Variants in GRK4 observed in about 807,000 individuals in gnomAD.
GRK4 encodes G protein-coupled receptor kinase 2-like.
GRK4 carries 73 observed loss-of-function variants against 77.9 expected under a neutral mutation model. The observed-to-expected ratio is 0.94, with a 90% confidence interval of 0.78 to 1.14. The LOEUF (loss-of-function observed/expected upper bound fraction) is 1.14, where lower values mean the gene tolerates loss of function less well. GRK4 is among the 50% of genes most tolerant of loss of function. GRK4 has a pLI of 0.00. For missense variants in GRK4, 729 were observed against 700.2 expected, an observed-to-expected ratio of 1.04 and a Z score of -0.46; for synonymous variants, 257 against 254.4, an observed-to-expected ratio of 1.01 and a Z score of -0.10.
chr4:2,983,199 A>G (rs1287613179), intron 1 of GRK4, among the ~76,000 whole-genome samples: 1 of 152,212 alleles, frequency 6.6e-6, no homozygotes, highest in African/African-American at 2.4e-5. Flanking sequence ...CAGTCTACCC[A>G]TCTTCCAAAT....
intron 6 of GRK4, 85 bp downstream of exon 6, chr4:3,007,913 G>A: frequency 1.1e-6 from 1 of 910,542 alleles, no homozygotes; most frequent in Non-Finnish European, 1.7e-6. Context: ...TGAGGCTGAA[G>A]GATTGCTTAA....
chr4:2,977,583 G>A (rs1244402918), intron 1 of GRK4, among the ~76,000 whole-genome samples: 3 of 152,196 alleles, frequency 2.0e-5, no homozygotes, highest in Admixed American at 6.5e-5. Context: ...TAAAAGCCAC[G>A]TTGAGGGCGG....
chr4:2,966,933 G>C (rs1284814579), intron 1 of GRK4: 6 of 152,146 alleles, frequency 3.9e-5, no homozygotes, highest in Admixed American at 3.9e-4. Flanking sequence ...GAATATTTGT[G>C]TTCCCCCAAA....
chr4:2,976,946 C>T (rs1250054530), intron 1 of GRK4, among the ~76,000 whole-genome samples: 2 of 152,150 alleles, frequency 1.3e-5, no homozygotes, highest in African/African-American at 4.8e-5. Flanking sequence ...GCCGAATTTT[C>T]TTTCTTTCAA....
chr4:2,998,510 A>G (rs1047615689), intron 4 of GRK4, among the ~76,000 whole-genome samples: 4 of 152,206 alleles, frequency 2.6e-5, no homozygotes, highest in African/African-American at 9.6e-5. Context: ...GAGTCTGGTA[A>G]GGCTGCAAGA....
In GRK4 at chr4:3,040,694, C is replaced by T. The variant is rs1475566411; in HGVS notation, c.*69C>T. 1 of 1,308,202 alleles carries T rather than the reference C, an allele frequency of 7.6e-7. No individual in the cohort carries two copies. The highest frequency in any genetic ancestry group is 1.2e-5 in the South Asian group (1 of 80,460). The allele number at this position is 1,308,202 out of a possible 1,614,324, so 81.0% of individuals were successfully genotyped here. A position where few individuals can be genotyped will look rare whatever the true frequency, so the allele number is the denominator to read the frequency against. On this transcript the variant is annotated 3_prime_UTR_variant, in exon 16 of 16. Coordinates refer to ENST00000398052, the MANE Select transcript of GRK4 (RefSeq NM_182982.3). Reference sequence around the variant, plus strand: ...GAGCATGTGTTAGCGTCTCGTCCCACCTGGAATTGTAATAAATACATCTAA... The same window carrying T: ...GAGCATGTGTTAGCGTCTCGTCCCATCTGGAATTGTAATAAATACATCTAA...
Position 3,013,898 on chromosome 4 carries a change from C to G in GRK4, c.741+70C>G. On this transcript the variant is annotated intron_variant, in intron 8 of 15. Coordinates refer to ENST00000398052, the MANE Select transcript of GRK4 (RefSeq NM_182982.3). Reference sequence around the variant, plus strand: ...AGCACTTTTGTCAGCCGACATGCCGCTCAGCTCACGCTCACTGAAGCCGTG... The same window carrying G: ...AGCACTTTTGTCAGCCGACATGCCGGTCAGCTCACGCTCACTGAAGCCGTG... 2.0e-6 allele frequency: 3 copies of G among 1,485,036 alleles called. No homozygotes were observed. In the South Asian group the frequency reaches 4.2e-5, roughly 21 times the overall value. 92.0% of individuals were successfully genotyped at this position (1,485,036 alleles called of 1,614,324 possible).
chr4:2,984,212 A>C (rs553820109), intron 1 of GRK4, among the ~76,000 whole-genome samples: 24 of 152,298 alleles, frequency 1.6e-4, no homozygotes, highest in African/African-American at 5.1e-4. Context: ...TATTTCTTTG[A>C]TAAATACTTA....
intron 6 of GRK4, 124 bp from the exon 7 acceptor site, chr4:3,009,524 C>T: frequency 1.5e-6 from 1 of 657,776 alleles, no homozygotes; most frequent in Non-Finnish European, 2.7e-6. Context: ...CACCCTTTGT[C>T]CCGGGCATCC....
intron 12 of GRK4, among the ~76,000 whole-genome samples, chr4:3,032,091 G>A (rs1739334695): frequency 6.6e-6 from 1 of 152,164 alleles, no homozygotes; most frequent in Non-Finnish European, 1.5e-5. Flanking sequence ...ACACTGACAG[G>A]GCTGCAAGAA....
chr4:3,028,431 A>C (rs1388072181), intron 11 of GRK4, among the ~76,000 whole-genome samples: 1 of 152,018 alleles, frequency 6.6e-6, no homozygotes, highest in Non-Finnish European at 1.5e-5. Flanking sequence ...CTGCAGGAAG[A>C]CCCCAAGGTC....
At chr4:2,997,098 C>T (rs1188686126) in intron 4 of GRK4, among the ~76,000 whole-genome samples, 1 of 152,064 alleles carries the variant, frequency 6.6e-6, no homozygotes, top group African/African-American at 2.4e-5. Context: ...AAAGCAAGAC[C>T]GTGTGTTCAT....
rs749541993 is a variant in GRK4, at chr4:3,029,410, G to A, written c.1269+1G>A. Reference sequence around the variant, plus strand: ...GGATGCCAAATCTATCTGCAGGATGGTAAGTCAGGCTCTGTAGAGGCTGGG... The same window carrying A: ...GGATGCCAAATCTATCTGCAGGATGATAAGTCAGGCTCTGTAGAGGCTGGG... On this transcript the variant is annotated splice_donor_variant, in intron 12 of 15. Coordinates refer to ENST00000398052, the MANE Select transcript of GRK4 (RefSeq NM_182982.3). LOFTEE classifies it high-confidence loss of function. 1.9e-6 allele frequency: 3 copies of A among 1,611,690 alleles called. No homozygotes were observed. Among genetic ancestry groups the A allele is most frequent in the East Asian group, 2.2e-5 (1 of 44,880 alleles).
intron 1 of GRK4, among the ~76,000 whole-genome samples, chr4:2,969,587 G>T (rs1468957162): frequency 1.3e-5 from 2 of 151,812 alleles, no homozygotes. Flanking sequence ...TGTTGGTCAG[G>T]CTGGTCTCGA....
Position 3,040,714 on chromosome 4 carries a change from A to G in GRK4, c.*89A>G. Reference sequence around the variant, plus strand: ...TCCCACCTGGAATTGTAATAAATACATCTAAATAAAACATGCCTTGGGAGT... The same window carrying G: ...TCCCACCTGGAATTGTAATAAATACGTCTAAATAAAACATGCCTTGGGAGT... On this transcript the variant is annotated 3_prime_UTR_variant, in exon 16 of 16. Transcript: ENST00000398052. 2 of 1,080,448 alleles carry G rather than the reference A, an allele frequency of 1.9e-6. No individual in the cohort carries two copies. The highest frequency in any genetic ancestry group is 2.7e-5 in the South Asian group (2 of 74,272). The allele number at this position is 1,080,448 out of a possible 1,614,324, so 66.9% of individuals were successfully genotyped here.
intron 1 of GRK4, among the ~76,000 whole-genome samples, chr4:2,976,631 C>CT (rs769469513): frequency 0.03 from 3,547 of 117,264 alleles, 76 homozygotes; most frequent in East Asian, 0.043. Flanking sequence ...TTCTTTCTTT[C>CT]TTTTTTTTTT....
chr4:2,990,495 G>C (rs1054110690), intron 3 of GRK4, among the ~76,000 whole-genome samples: 1 of 152,098 alleles, frequency 6.6e-6, no homozygotes, highest in Admixed American at 6.6e-5. Flanking sequence ...GACCTCAGGT[G>C]ATCTGCCCGT....
chr4:3,018,111 A>G (rs907666365), intron 8 of GRK4, among the ~76,000 whole-genome samples: 7 of 147,496 alleles, frequency 4.7e-5, no homozygotes, highest in African/African-American at 1.8e-4. Context: ...GGGTCTCACT[A>G]TATTGCCCAT....
chr4:3,025,434 G>A (rs1737211687), intron 10 of GRK4, among the ~76,000 whole-genome samples: 1 of 134,442 alleles, frequency 7.4e-6, no homozygotes, highest in Non-Finnish European at 1.5e-5. Context: ...CTGTCGCCCA[G>A]GCTGGTGTGC....
Sources: allele counts gnomAD v4.1 joint callset (sites outside exome capture counted in the v4.1 genomes callset), GRCh38; gene constraint gnomAD v4.1.1; transcripts MANE v1.5; gene names NCBI Gene and HGNC (gene_info 2026-07-23, HGNC 2026-07-21).